Variants in LMTK2 observed in about 807,000 individuals in gnomAD.
LMTK2 encodes lemur tail kinase 2.
Under a neutral mutation model 127.5 loss-of-function variants are expected in LMTK2, and 37 were observed. That is an observed-to-expected ratio of 0.29 (90% CI 0.22 to 0.38). LMTK2 has a LOEUF of 0.38. Among genes scored for constraint, LMTK2 ranks in the 10% least tolerant of loss-of-function variants. The probability of loss-of-function intolerance (pLI) is 1.00; values close to 1 mark genes in which losing one functional copy is unlikely to be tolerated. For missense variants in LMTK2, 1,694 were observed against 1,920.3 expected, an observed-to-expected ratio of 0.88 and a Z score of 2.20; for synonymous variants, 819 against 810.1, an observed-to-expected ratio of 1.01 and a Z score of -0.19.
At chr7:98,150,404 A>C (rs554450164) in intron 3 of LMTK2, among the ~76,000 whole-genome samples, 1 of 152,308 alleles carries the variant, frequency 6.6e-6, no homozygotes, top group East Asian at 1.9e-4. Flanking sequence ...AGTGATGGCA[A>C]AGAGACGGAG....
chr7:98,148,541 A>G (rs1796805721), intron 3 of LMTK2, among the ~76,000 whole-genome samples: 1 of 151,536 alleles, frequency 6.6e-6, no homozygotes, highest in Non-Finnish European at 1.5e-5. Flanking sequence ...AATAAAAAAT[A>G]AAGTCTTGTC....
At chr7:98,189,893 A>G (rs1797497143) in intron 9 of LMTK2, among the ~76,000 whole-genome samples, 1 of 152,192 alleles carries the variant, frequency 6.6e-6, no homozygotes, top group Non-Finnish European at 1.5e-5. Flanking sequence ...ACTGAGGAGT[A>G]ACTCAAACCA....
At chr7:98,157,423 A>G (rs1011499125) in intron 5 of LMTK2, among the ~76,000 whole-genome samples, 1 of 152,176 alleles carries the variant, frequency 6.6e-6, no homozygotes, top group Non-Finnish European at 1.5e-5. Context: ...AGCCAAGGTG[A>G]CACACAAAAT....
At chr7:98,164,033 C>T (rs143942997) in intron 6 of LMTK2, among the ~76,000 whole-genome samples, 2 of 152,302 alleles carry the variant, frequency 1.3e-5, no homozygotes, top group Admixed American at 6.5e-5. Context: ...AATATTTTTG[C>T]ACTTACTTAA....
At chr7:98,151,296 C>A in intron 3 of LMTK2, 86 bp from the exon 4 acceptor site, 1 of 832,046 alleles carries the variant, frequency 1.2e-6, no homozygotes. Flanking sequence ...TTTGCACAAG[C>A]CTTTATGTTA....
intron 3 of LMTK2, among the ~76,000 whole-genome samples, 200 bp from the exon 4 acceptor site, chr7:98,151,182 A>G (rs975848656): frequency 6.6e-6 from 1 of 152,188 alleles, no homozygotes; most frequent in African/African-American, 2.4e-5. Context: ...GTATTAAAGA[A>G]TTGGTAGGAA....
chr7:98,132,101 G>C (rs549719029), intron 1 of LMTK2, among the ~76,000 whole-genome samples: 1 of 152,306 alleles, frequency 6.6e-6, no homozygotes, highest in East Asian at 1.9e-4. Context: ...TAGAGGCCCT[G>C]CTTGCCAAAG....
intron 3 of LMTK2, among the ~76,000 whole-genome samples, chr7:98,144,533 C>G (rs1279534690): frequency 1.3e-5 from 2 of 152,060 alleles, no homozygotes; most frequent in African/African-American, 4.8e-5. Flanking sequence ...TAAGTAACAG[C>G]TGCACTGTTG....
rs769107108 is a variant in LMTK2 at position 98,141,554 on chromosome 7, A to G, written c.376+13A>G. Reference sequence around the variant, plus strand: ...CAGCCTTCTGTAGGTAAGACCATACAGCCTAATGCCACGTTTTCATGAATT... The same window carrying G: ...CAGCCTTCTGTAGGTAAGACCATACGGCCTAATGCCACGTTTTCATGAATT... On this transcript the variant is annotated intron_variant, in intron 3 of 13. Transcript: ENST00000297293. The G allele has an allele frequency of 2.5e-6, 4 of 1,609,050 alleles. No homozygotes were observed. Among genetic ancestry groups the G allele is most frequent in the Non-Finnish European group, 3.4e-6 (4 of 1,177,378 alleles).
At chr7:98,137,984 TCCC>T (rs1474538394) in intron 2 of LMTK2, among the ~76,000 whole-genome samples, 12 of 152,232 alleles carry the variant, frequency 7.9e-5, no homozygotes, top group African/African-American at 2.9e-4. Context: ...AACCTCAAGT[TCCC>T]TAACAGGGAG....
At position 98,192,175 on chromosome 7, in the gene LMTK2, G is replaced by A. The variant is rs183069995; in HGVS notation, c.1710G>A (p.Ala570=). The change falls in exon 11 of 14, where the codon GCG becomes GCA. Residue 570 remains alanine, a synonymous_variant. Transcript: ENST00000297293. ...ACTTGGAGCTTGATTACCCACCAGC[G>A]CTGCTCACAACCGACATGGATAATC... The part of the protein sequence containing the change: ...GSNLELDYPP[A]LLTTDMDNPE... 2.6e-6 allele frequency: 4 copies of A among 1,527,268 alleles called. No individual in the cohort carries two copies. Among genetic ancestry groups the A allele is most frequent in the Middle Eastern group, 1.8e-4 (1 of 5,630 alleles). The allele number at this position is 1,527,268 out of a possible 1,614,324, so 94.6% of individuals were successfully genotyped here. A position where few individuals can be genotyped will look rare whatever the true frequency, so the allele number is the denominator to read the frequency against.
chr7:98,185,228 T>C lies in LMTK2; in HGVS notation c.876+93T>C, dbSNP rs1056281450. ...TGCCCCACTGTTTGTATAAGAATCT[T>C]AGTCGCTAGGCTTTCTGGAGAGGGA... On this transcript the variant is annotated intron_variant, in intron 8 of 13. Coordinates refer to ENST00000297293, the MANE Select transcript of LMTK2 (RefSeq NM_014916.4). 1.7e-4 allele frequency: 144 copies of C among 860,116 alleles called. 1 individual carries two copies. In the East Asian group the frequency reaches 3.7e-3, roughly 22 times the overall value. 53.3% of individuals were successfully genotyped at this position (860,116 alleles called of 1,614,324 possible).
At position 98,209,248 on chromosome 7, in the gene LMTK2, C is replaced by A. The variant is rs1324024474; in HGVS notation, c.*3756C>A. ...ATTCTCTTTCATCTATAAAGAAATTCTTAAAGATGCATTGACAGTGTTGAA... is the reference window on the plus strand; with the variant it reads ...ATTCTCTTTCATCTATAAAGAAATTATTAAAGATGCATTGACAGTGTTGAA... On this transcript the variant is annotated 3_prime_UTR_variant, in exon 14 of 14. Transcript: ENST00000297293. The A allele has an allele frequency of 6.6e-6, 1 of 152,238 alleles. No homozygotes were observed. The highest frequency in any genetic ancestry group is 1.5e-5 in the Non-Finnish European group (1 of 68,054). The allele number at this position is 152,238 out of a possible 1,614,324, so 9.4% of individuals were successfully genotyped here.
intron 11 of LMTK2, among the ~76,000 whole-genome samples, chr7:98,198,677 G>T (rs765968326): frequency 3.3e-5 from 5 of 151,954 alleles, no homozygotes; most frequent in African/African-American, 4.8e-5. Flanking sequence ...TTTTTGTTTC[G>T]TCATGTTGCC....
intron 6 of LMTK2, among the ~76,000 whole-genome samples, chr7:98,169,803 C>G (rs1015529491): frequency 6.7e-6 from 1 of 149,208 alleles, no homozygotes; most frequent in African/African-American, 2.5e-5. Context: ...TATGTTTTTA[C>G]AAGAAAAAAA....
chr7:98,184,674 G>C (rs1797406989), intron 7 of LMTK2, among the ~76,000 whole-genome samples: 1 of 152,048 alleles, frequency 6.6e-6, no homozygotes, highest in South Asian at 2.1e-4. Flanking sequence ...AGGACCTCCT[G>C]AGGCTGTGTC....
chr7:98,163,624 G>A (rs937586511), intron 6 of LMTK2, among the ~76,000 whole-genome samples: 4 of 152,202 alleles, frequency 2.6e-5, no homozygotes, highest in Non-Finnish European at 4.4e-5. Flanking sequence ...GGCTCCCACC[G>A]TGTGGCAAGA....
intron 1 of LMTK2, among the ~76,000 whole-genome samples, chr7:98,125,345 C>T (rs964551554): frequency 6.6e-6 from 1 of 151,722 alleles, no homozygotes; most frequent in Non-Finnish European, 1.5e-5. Context: ...TTTATTTTTC[C>T]ATATTGCTTC....
chr7:98,175,505 A>G (rs925058075), intron 7 of LMTK2, among the ~76,000 whole-genome samples: 6 of 152,258 alleles, frequency 3.9e-5, no homozygotes, highest in African/African-American at 1.4e-4. Flanking sequence ...TGGCATGCCC[A>G]GAGCTTTGTG....
Sources: allele counts gnomAD v4.1 joint callset (sites outside exome capture counted in the v4.1 genomes callset), GRCh38; gene constraint gnomAD v4.1.1; transcripts MANE v1.5; gene names NCBI Gene and HGNC (gene_info 2026-07-23, HGNC 2026-07-21).